Variants in NFXL1 observed in about 807,000 individuals in gnomAD.
The protein encoded by NFXL1 is NF-X1-type zinc finger protein NFXL1.
A neutral mutation model predicts 123.3 loss-of-function variants in NFXL1; 66 were observed. The ratio of observed to expected loss-of-function variants is 0.54; its 90% CI spans 0.44 to 0.66. NFXL1 has a LOEUF of 0.66. NFXL1 is among the 30% of genes least tolerant of loss of function. NFXL1 has a pLI of 0.00. For synonymous variants in NFXL1, 346 were observed against 360.8 expected (o/e 0.96, Z 0.46); for missense variants, 944 against 1,125.6 (o/e 0.84, Z 2.31).
At chr4:47,866,391 A>AAG (rs1735079197) in intron 18 of NFXL1, among the ~76,000 whole-genome samples, 1 of 152,228 alleles carries the variant, frequency 6.6e-6, no homozygotes. Context: ...CCACACTGGC[A>AAG]AGAGAGTGGT....
Position 47,885,606 on chromosome 4 carries a change from A to G in NFXL1, c.1716T>C (p.Phe572=), listed in dbSNP as rs753686313. 2 of 1,613,860 alleles carry G rather than the reference A, an allele frequency of 1.2e-6. No individual in the cohort carries two copies. The highest frequency in any genetic ancestry group is 2.7e-5 in the African/African-American group (2 of 74,934). ...GTTGATGACATGGTGGACAAGAACC[A>G]AAGTGACAGCGATGTTTTTCTTGAC... ...HTSQEKHRCH[F]GSCPPCHQPC... is the part of the protein sequence containing the mutation. The change falls in exon 14 of 23, where the codon TTT becomes TTC. Residue 572 remains phenylalanine, a synonymous_variant. Transcript: ENST00000507489.
chr4:47,913,878 TGAAA>T (rs1458833310), intron 2 of NFXL1, 87 bp downstream of exon 2: 66 of 823,034 alleles, frequency 8.0e-5, no homozygotes, highest in Non-Finnish European at 1.1e-4. Context: ...GGAAAAGCAG[TGAAA>T]GAAAGAAGGC....
intron 18 of NFXL1, among the ~76,000 whole-genome samples, chr4:47,870,424 T>A (rs1052874877): frequency 6.6e-6 from 1 of 152,284 alleles, no homozygotes; most frequent in East Asian, 1.9e-4. Flanking sequence ...TACTCCAACA[T>A]GGTGACAAAG....
rs1324407506 is a variant in NFXL1 at position 47,898,492 on chromosome 4, G to A, written c.1089+265C>T. 2.0e-5 allele frequency among the ~76,000 whole-genome samples: 3 copies of A among 151,920 alleles called. No homozygotes were observed. The East Asian group carries it at 5.8e-4, about 29-fold the overall frequency. ...TTGAAGAGAGGGGAAAGAGAAGAAG[G>A]GGACAAGAGCTAGCAAGAAAGAGTA... On this transcript the variant is annotated intron_variant, in intron 8 of 22. Coordinates refer to ENST00000507489, the MANE Select transcript of NFXL1 (RefSeq NM_001278624.2).
chr4:47,907,447 G>A (rs1333089704), intron 3 of NFXL1, among the ~76,000 whole-genome samples: 2 of 152,210 alleles, frequency 1.3e-5, no homozygotes, highest in Non-Finnish European at 2.9e-5. Context: ...TACTCATCAG[G>A]AAGTTGGCCA....
At position 47,862,384 on chromosome 4, in the gene NFXL1, G is replaced by A. The variant is rs776450379; in HGVS notation, c.2316+462C>T. Among the ~76,000 whole-genome samples, 172 of 152,204 alleles carry A rather than the reference G, an allele frequency of 1.1e-3. 1 individual carries two copies. Among genetic ancestry groups the A allele is most frequent in the Middle Eastern group, 3.4e-3 (1 of 294 alleles). On this transcript the variant is annotated intron_variant, in intron 19 of 22. Coordinates refer to ENST00000507489, the MANE Select transcript of NFXL1 (RefSeq NM_001278624.2). ...ATGAAAATGCAGAGGTATCTTCTAC[G>A]TCACCATCTTCAAAATGCTGTGGAT...
At chr4:47,907,451 T>C (rs1234284813) in intron 3 of NFXL1, among the ~76,000 whole-genome samples, 1 of 152,214 alleles carries the variant, frequency 6.6e-6, no homozygotes, top group Non-Finnish European at 1.5e-5. Context: ...CATCAGGAAG[T>C]TGGCCATGCA....
At chr4:47,899,296 C>T (rs1737261304) in intron 6 of NFXL1, 74 bp downstream of exon 6, 9 of 1,380,934 alleles carry the variant, frequency 6.5e-6, no homozygotes, top group Admixed American at 2.2e-5. Context: ...TCAACTTTTA[C>T]AATTTTTTTT....
At chr4:47,862,796 G>C in intron 19 of NFXL1, 50 bp downstream of exon 19, 1 of 1,027,032 alleles carries the variant, frequency 9.7e-7, no homozygotes, top group Non-Finnish European at 1.5e-6. Flanking sequence ...GAAAATCCAA[G>C]AGAAACAATG....
At chr4:47,871,172 A>T (rs1735403536) in intron 18 of NFXL1, among the ~76,000 whole-genome samples, 1 of 152,110 alleles carries the variant, frequency 6.6e-6, no homozygotes. Flanking sequence ...AACATGGTGA[A>T]ACCCTGTCTC....
Position 47,862,884 on chromosome 4 carries a change from T to C in NFXL1, c.2278A>G (p.Asn760Asp), listed in dbSNP as rs761958983. The C allele has an allele frequency of 5.1e-6, 8 of 1,581,978 alleles. No homozygotes were observed. The East Asian group carries it at 1.8e-4, about 36-fold the overall frequency. Residue 760 changes from asparagine to aspartate, a missense_variant, in exon 19 of 23, where the codon AAC (asparagine) becomes GAC (aspartate). Transcript: ENST00000507489. ...TGATTTTTGCAACAACTGAGGAGGT[T>C]CTTTTCATTTACATCAGCTGTGGTT... is the stretch of plus-strand genomic sequence containing the variant. ...KITTADVNEK[N>D]LLSCCKNQCP...
In NFXL1 at chr4:47,898,053, T is replaced by C; in HGVS notation, c.1118A>G (p.Asn373Ser). The C allele has an allele frequency of 3.7e-6, 6 of 1,609,964 alleles. No individual in the cohort carries two copies. Among genetic ancestry groups the C allele is most frequent in the East Asian group, 2.2e-5 (1 of 44,778 alleles). Residue 373 changes from asparagine to serine, a missense_variant, in exon 9 of 23, where the codon AAT becomes AGT. Coordinates refer to ENST00000507489, the MANE Select transcript of NFXL1 (RefSeq NM_001278624.2). ...QVCGKTLPCG[N>S]HTCEQVCHVG... is the part of the protein sequence containing the mutation. The stretch of plus-strand genomic sequence containing the variant: ...ATGGCAAACTTGCTCACATGTGTGA[T>C]TACCACATGGCAGTGTTTTTCCACA...
intron 20 of NFXL1, 99 bp downstream of exon 20, chr4:47,854,960 A>C: frequency 4.9e-6 from 2 of 406,376 alleles, no homozygotes; most frequent in Non-Finnish European, 8.9e-6. Context: ...AAAAAAAGCC[A>C]AACAACTACC....
chr4:47,895,618 T>C (rs1013607465), intron 10 of NFXL1, among the ~76,000 whole-genome samples: 3 of 152,226 alleles, frequency 2.0e-5, no homozygotes, highest in Admixed American at 1.3e-4. Flanking sequence ...CTTCACAGAA[T>C]TGAAGTTAGG....
At chr4:47,900,820 C>T (rs60427744) in intron 5 of NFXL1, among the ~76,000 whole-genome samples, 11,612 of 152,130 alleles carry the variant, frequency 0.076, 677 homozygotes, top group East Asian at 0.31. Flanking sequence ...CAAATAAATG[C>T]CACATAAATA....
chr4:47,890,305 GA>G lies in NFXL1; in HGVS notation c.1543+307del, dbSNP rs1453688872. Reference sequence around the variant, plus strand: ...TTCATTGATTAAAAAATTATGTGGGGAAAGTCAGGAAGTGGGAAAACAATAT... The same window carrying G: ...TTCATTGATTAAAAAATTATGTGGGGAAGTCAGGAAGTGGGAAAACAATAT... On this transcript the variant is annotated intron_variant, in intron 12 of 22. Transcript: ENST00000507489. 6.6e-5 allele frequency among the ~76,000 whole-genome samples: 10 copies of G among 152,186 alleles called. No homozygotes were observed. In the South Asian group the frequency reaches 1.7e-3, roughly 25 times the overall value.
chr4:47,851,296 C>A, intron 21 of NFXL1, 148 bp from the exon 22 acceptor site: 1 of 628,954 alleles, frequency 1.6e-6, no homozygotes, highest in Non-Finnish European at 2.8e-6. Flanking sequence ...TATACTGAGA[C>A]AAGGTTTTAC....
At chr4:47,911,267 A>C (rs922257089) in intron 2 of NFXL1, among the ~76,000 whole-genome samples, 4 of 152,264 alleles carry the variant, frequency 2.6e-5, no homozygotes, top group African/African-American at 9.6e-5. Context: ...AAATATGAAA[A>C]TACAATAAAA....
At chr4:47,898,240 T>C (rs1458138656) in intron 8 of NFXL1, among the ~76,000 whole-genome samples, 159 bp from the exon 9 acceptor site, 5 of 152,212 alleles carry the variant, frequency 3.3e-5, no homozygotes, top group Non-Finnish European at 7.3e-5. Context: ...TACATATGTA[T>C]ATATAGATAC....
Sources: allele counts gnomAD v4.1 joint callset (sites outside exome capture counted in the v4.1 genomes callset), GRCh38; gene constraint gnomAD v4.1.1; transcripts MANE v1.5; gene names NCBI Gene and HGNC (gene_info 2026-07-23, HGNC 2026-07-21).